Variants in PIF1 observed in about 807,000 individuals in gnomAD.
PIF1 encodes ATP-dependent DNA helicase PIF1.
PIF1 carries 67 observed loss-of-function variants against 62.3 expected under a neutral mutation model. The ratio of observed to expected loss-of-function variants is 1.08; its 90% CI spans 0.88 to 1.32. PIF1 has a LOEUF of 1.32. Ranked by LOEUF, PIF1 falls within the 40% of genes most tolerant of loss-of-function variation. The probability of loss-of-function intolerance (pLI) is 0.00; values close to 1 mark genes in which losing one functional copy is unlikely to be tolerated. For synonymous variants in PIF1, 364 were observed against 379.5 expected, an observed-to-expected ratio of 0.96 and a Z score of 0.47; for missense variants, 886 against 866.1, an observed-to-expected ratio of 1.02 and a Z score of -0.29.
chr15:64,826,665 T>TATTTATATATATATACAC (rs796684934), upstream of PIF1, among the ~76,000 whole-genome samples: 2 of 42,802 alleles, frequency 4.7e-5, no homozygotes, highest in East Asian at 2.0e-3. Context: ...TATATATATA[T>TATTTATATATATATACAC]ACACACACAC....
At chr15:64,823,732 A>G (rs574438134) in intron 2 of PIF1, 46 bp downstream of exon 2, 6 of 1,259,426 alleles carry the variant, frequency 4.8e-6, no homozygotes, top group Non-Finnish European at 6.1e-6. Context: ...CATCTTAAAG[A>G]ATGGCACATC....
upstream of PIF1, among the ~76,000 whole-genome samples, chr15:64,826,684 A>C (rs2084375774): frequency 8.1e-6 from 1 of 124,156 alleles, no homozygotes; most frequent in Non-Finnish European, 1.8e-5. Flanking sequence ...ACACACATAT[A>C]TACACACACA....
In PIF1 at chr15:64,822,375, A is replaced by T; in HGVS notation, c.708T>A (p.Tyr236Ter). 1 of 1,614,084 alleles carries T rather than the reference A, an allele frequency of 6.2e-7. No homozygotes were observed. The highest frequency in any genetic ancestry group is 1.1e-5 in the South Asian group (1 of 91,080). Reference protein sequence around the residue: ...FTGSAGTGKSYLLKRILGSLP... With the variant: ...FTGSAGTGKS ...GTGAGCCCAGGATTCGCTTTAGCAG[A>T]TATGACTTCCCTGTTCCTGGACAGG... The change falls in exon 4 of 13, where the codon TAT becomes TAA. Residue 236 changes from tyrosine (Y) to a stop codon, truncating the protein, a stop_gained. Coordinates refer to ENST00000559239, the MANE Select transcript of PIF1 (RefSeq NM_001286496.2). LOFTEE classifies it high-confidence loss of function.
Position 64,819,242 on chromosome 15 carries a change from GC to G in PIF1, c.1334-20del. ...ACCTTACCTGGAGAAAAAGAGTTGA[GC>G]AAACAGATCACAAATCACTGACTTG... is the stretch of plus-strand genomic sequence containing the variant. On this transcript the variant is annotated intron_variant, in intron 8 of 12. Coordinates refer to ENST00000559239, the MANE Select transcript of PIF1 (RefSeq NM_001286496.2). 6.5e-7 allele frequency: 1 copy of G among 1,538,010 alleles called. No individual in the cohort carries two copies. Among genetic ancestry groups the G allele is most frequent in the Non-Finnish European group, 8.9e-7 (1 of 1,123,482 alleles).
chr15:64,820,956 C>A (rs1316906451), intron 7 of PIF1, 26 bp downstream of exon 7: 2 of 1,597,754 alleles, frequency 1.3e-6, no homozygotes, highest in Non-Finnish European at 1.7e-6. Flanking sequence ...CATCCCATAG[C>A]CCCTTCCCCA....
In PIF1 at chr15:64,824,150, G is replaced by C; in HGVS notation, c.186C>G (p.Pro62=). The change falls in exon 2 of 13, where the codon CCC becomes CCG. Residue 62 remains proline, a synonymous_variant. Transcript: ENST00000559239. Reference sequence around the variant, plus strand: ...GAGGAAAGCAGCGCGGCCGCCCCGCGGGCCCTGGCGCTTGCAGCCGCAGCA... The same window carrying C: ...GAGGAAAGCAGCGCGGCCGCCCCGCCGGCCCTGGCGCTTGCAGCCGCAGCA... ...ELMLRLQAPG[P]AGRPRCFPLR... 4 of 1,295,492 alleles carry C rather than the reference G, an allele frequency of 3.1e-6. No homozygotes were observed. Among genetic ancestry groups the C allele is most frequent in the Non-Finnish European group, 3.9e-6 (4 of 1,023,054 alleles). 80.2% of individuals were successfully genotyped at this position (1,295,492 alleles called of 1,614,324 possible).
At chr15:64,817,536 T>C (rs62015736) in intron 11 of PIF1, among the ~76,000 whole-genome samples, 4,499 of 149,738 alleles carry the variant, frequency 0.03, 206 homozygotes, top group South Asian at 0.19. Flanking sequence ...CAAGACTCTG[T>C]CTCAAAAACT....
chr15:64,816,857 T>A, intron 11 of PIF1, 92 bp from the exon 12 acceptor site: 1 of 1,212,626 alleles, frequency 8.2e-7, no homozygotes, highest in Non-Finnish European at 1.1e-6. Context: ...CTACTGCCCC[T>A]GGATCTCCTC....
chr15:64,822,472 C>G lies in PIF1; in HGVS notation c.691+6G>C. 2 of 1,614,152 alleles carry G rather than the reference C, an allele frequency of 1.2e-6. No individual in the cohort carries two copies. Among genetic ancestry groups the G allele is most frequent in the Non-Finnish European group, 1.7e-6 (2 of 1,180,024 alleles). On this transcript the variant is annotated splice_donor_region_variant and intron_variant, in intron 3 of 12. Transcript: ENST00000559239. ...TGTCCCCCTACCTCCTCTCTGCCCC[C>G]ACTACCTGCACTCCCAGTGAAGAAG...
upstream of PIF1, among the ~76,000 whole-genome samples, chr15:64,826,739 T>TATAC (rs1555435319): frequency 3.6e-5 from 5 of 137,572 alleles, no homozygotes; most frequent in African/African-American, 1.3e-4. Flanking sequence ...TATATATATA[T>TATAC]ACACACACAT....
upstream of PIF1, among the ~76,000 whole-genome samples, chr15:64,826,441 T>C (rs1386064829): frequency 6.6e-6 from 1 of 151,070 alleles, no homozygotes; most frequent in Non-Finnish European, 1.5e-5. Context: ...CCTTTCCTTT[T>C]TCCTTCTTAG....
upstream of PIF1, among the ~76,000 whole-genome samples, chr15:64,826,576 G>A (rs2141120639): frequency 7.6e-6 from 1 of 132,184 alleles, no homozygotes; most frequent in South Asian, 2.4e-4. Context: ...TGATCCTCCC[G>A]CCTCAGCCCC....
At chr15:64,818,597 T>C (rs1313445105) in intron 9 of PIF1, 1 of 497,920 alleles carries the variant, frequency 2.0e-6, no homozygotes, top group Non-Finnish European at 3.6e-6. Flanking sequence ...AAGGGATCAA[T>C]AAGGCAACCT....
At chr15:64,818,970 G>A (rs2084238303) in intron 9 of PIF1, 147 bp downstream of exon 9, 1 of 499,976 alleles carries the variant, frequency 2.0e-6, no homozygotes, top group African/African-American at 2.0e-5. Context: ...ATGGGAAGGT[G>A]GGTGGGAACA....
At chr15:64,816,547 G>A (rs188787998) in intron 12 of PIF1, 27 bp downstream of exon 12, 516 of 1,610,718 alleles carry the variant, frequency 3.2e-4, no homozygotes, top group Non-Finnish European at 4.2e-4. Context: ...CGTGGCCACA[G>A]CCCACCACTG....
Position 64,819,223 on chromosome 15 carries a change from C to T in PIF1, c.1334G>A (p.Gly445Asp). 6.3e-7 allele frequency: 1 copy of T among 1,595,898 alleles called. No individual in the cohort carries two copies. Among genetic ancestry groups the T allele is most frequent in the Non-Finnish European group, 8.5e-7 (1 of 1,172,962 alleles). ...CATAGCCTCAAATCTGTGTACCTTACCTGGAGAAAAAGAGTTGAGCAAACA... is the reference window on the plus strand; with the variant it reads ...CATAGCCTCAAATCTGTGTACCTTATCTGGAGAAAAAGAGTTGAGCAAACA... The part of the protein sequence containing the change: ...TNERRLQELP[G>D]KVHRFEAMDS... The change falls in exon 9 of 13, where the codon GGT becomes GAT. Residue 445 changes from glycine (G) to aspartate (D), a missense_variant and splice_region_variant. By Grantham distance (94) the Gly-to-Asp change is moderately conservative. Transcript: ENST00000559239.
At chr15:64,822,988 A>G (rs754504770) in intron 2 of PIF1, among the ~76,000 whole-genome samples, 1 of 152,034 alleles carries the variant, frequency 6.6e-6, no homozygotes, top group African/African-American at 2.4e-5. Context: ...CTGTCTAGCC[A>G]GGGCCCCTTC....
chr15:64,817,489 G>A (rs2084204256), intron 11 of PIF1, among the ~76,000 whole-genome samples: 1 of 151,892 alleles, frequency 6.6e-6, no homozygotes, highest in African/African-American at 2.4e-5. Context: ...AGCTTGCAGT[G>A]AGCCGAGATC....
In PIF1 at chr15:64,817,973, G is replaced by A; in HGVS notation, c.1647C>T (p.Ala549=). ...GGCTCTTGTGGATGGACATCGCCCA[G>A]GCCAGCTGGAGGGGCAGCTGCTGCC... is the stretch of plus-strand genomic sequence containing the variant. ...LSRQQLPLQL[A]WAMSIHKSQG... is the part of the protein sequence containing the mutation. The change falls in exon 11 of 13, where the codon GCC becomes GCT. Residue 549 remains alanine (A), a synonymous_variant. Transcript: ENST00000559239. 2 of 1,613,474 alleles carry A rather than the reference G, an allele frequency of 1.2e-6. No individual in the cohort carries two copies. The highest frequency in any genetic ancestry group is 1.7e-6 in the Non-Finnish European group (2 of 1,179,790).
Sources: gnomAD v4.1 joint callset for allele counts (sites outside exome capture counted in the v4.1 genomes callset) on GRCh38, gnomAD v4.1.1 for gene constraint, MANE v1.5 for transcripts, NCBI Gene and HGNC (gene_info 2026-07-23, HGNC 2026-07-21) for gene names.